Variants in PPFIA2 observed in about 807,000 individuals in gnomAD.
PPFIA2 encodes liprin-alpha-2.
Under a neutral mutation model 175.5 loss-of-function variants are expected in PPFIA2, and 46 were observed. The ratio of observed to expected loss-of-function variants is 0.26; its 90% confidence interval spans 0.21 to 0.34. The LOEUF is 0.34. PPFIA2 is among the 10% of genes least tolerant of loss of function. The pLI is 1.00. For missense variants in PPFIA2, 1,179 were observed against 1,506.1 expected (o/e 0.78, Z 3.60); for synonymous variants, 568 against 511.4 (o/e 1.11, Z -1.49).
At chr12:81,736,577 C>T (rs117482179) in intron 3 of PPFIA2, among the ~76,000 whole-genome samples, 4 of 151,708 alleles carry the variant, frequency 2.6e-5, no homozygotes, top group Non-Finnish European at 4.4e-5. Flanking sequence ...GAGGAAACGC[C>T]GGAGGAAGTA....
At chr12:81,325,960 T>A in intron 21 of PPFIA2, 90 bp from the exon 22 acceptor site, 1 of 880,260 alleles carries the variant, frequency 1.1e-6, no homozygotes, top group Middle Eastern at 2.2e-4. Flanking sequence ...GTTGAGCAAC[T>A]GTTTAGTATC....
chr12:81,422,096 A>ATG (rs1189944744), intron 7 of PPFIA2, among the ~76,000 whole-genome samples: 1 of 113,648 alleles, frequency 8.8e-6, no homozygotes, highest in East Asian at 2.5e-4. Flanking sequence ...GTGTATATAT[A>ATG]TGTGTGTATA....
intron 4 of PPFIA2, among the ~76,000 whole-genome samples, chr12:81,473,170 G>T (rs2056995889): frequency 6.6e-6 from 1 of 152,172 alleles, no homozygotes; most frequent in Non-Finnish European, 1.5e-5. Flanking sequence ...CACTCTGGGG[G>T]GCTGAGGTGC....
At chr12:81,509,998 C>T (rs981891916) in intron 4 of PPFIA2, among the ~76,000 whole-genome samples, 12 of 152,176 alleles carry the variant, frequency 7.9e-5, no homozygotes, top group African/African-American at 2.9e-4. Context: ...AACCTCACCA[C>T]TCCAACTGCT....
chr12:81,514,409 A>T (rs1438208074), intron 4 of PPFIA2, among the ~76,000 whole-genome samples: 1 of 151,978 alleles, frequency 6.6e-6, no homozygotes, highest in Non-Finnish European at 1.5e-5. Flanking sequence ...GTTGCTAAAT[A>T]ATGACAACAC....
intron 4 of PPFIA2, among the ~76,000 whole-genome samples, chr12:81,644,786 A>C (rs73147487): frequency 0.27 from 40,790 of 152,064 alleles, 7,166 homozygotes; most frequent in Non-Finnish European, 0.38. Context: ...CTCAATGATG[A>C]TACAGATTGA....
chr12:81,354,410 G>T (rs1420890171), intron 16 of PPFIA2, among the ~76,000 whole-genome samples: 18 of 151,970 alleles, frequency 1.2e-4, no homozygotes, highest in Non-Finnish European at 2.6e-4. Flanking sequence ...ATCTTCACTG[G>T]GAGTAGATTC....
intron 7 of PPFIA2, among the ~76,000 whole-genome samples, chr12:81,414,174 T>G (rs1371625894): frequency 6.6e-6 from 1 of 151,760 alleles, no homozygotes; most frequent in Non-Finnish European, 1.5e-5. Context: ...TTCAAAACAT[T>G]TTAAAAATAT....
chr12:81,397,323 TC>T (rs2041318766), intron 8 of PPFIA2, among the ~76,000 whole-genome samples: 1 of 151,982 alleles, frequency 6.6e-6, no homozygotes, highest in South Asian at 2.1e-4. Flanking sequence ...TATCATCTGT[TC>T]TTCAGAGAGC....
chr12:81,485,945 A>G (rs1458810291), intron 4 of PPFIA2, among the ~76,000 whole-genome samples: 3 of 151,908 alleles, frequency 2.0e-5, no homozygotes, highest in African/African-American at 7.2e-5. Context: ...AAATTATAAC[A>G]CAGATAATTC....
intron 4 of PPFIA2, among the ~76,000 whole-genome samples, chr12:81,644,319 C>T (rs1319129478): frequency 6.6e-6 from 1 of 151,934 alleles, no homozygotes; most frequent in Non-Finnish European, 1.5e-5. Context: ...TATCACATCG[C>T]TGGTTATATG....
chr12:81,744,690 T>G (rs766071834), intron 3 of PPFIA2, among the ~76,000 whole-genome samples: 1 of 152,228 alleles, frequency 6.6e-6, no homozygotes, highest in Admixed American at 6.5e-5. Flanking sequence ...CCTCCCAAAG[T>G]GCTGGGATTA....
Position 81,294,968 on chromosome 12 carries a change from A to T in PPFIA2, c.2792T>A (p.Met931Lys). Residue 931 changes from methionine (M) to lysine (K), a missense_variant, in exon 24 of 33, where the codon ATG (methionine) becomes AAG (lysine). This residue lies in a region of PPFIA2 where 44 missense variants were observed against 81.3 expected (regional missense o/e 0.54). Coordinates refer to ENST00000549396, the MANE Select transcript of PPFIA2 (RefSeq NM_003625.5). ...CRANVKSGAI[M>K]SALSDTEIQR... Reference sequence around the variant, plus strand: ...GATCTCAGTGTCAGATAAAGCAGACATGATGGCACCACTCTTCACGTTGGC... The same window carrying T: ...GATCTCAGTGTCAGATAAAGCAGACTTGATGGCACCACTCTTCACGTTGGC... The T allele has an allele frequency of 6.2e-7, 1 of 1,613,842 alleles. No homozygotes were observed. The highest frequency in any genetic ancestry group is 8.5e-7 in the Non-Finnish European group (1 of 1,179,814).
rs548265734 is a variant in PPFIA2 at position 81,432,580 on chromosome 12, C to T, written c.645+7392G>A. Among the ~76,000 whole-genome samples the T allele has an allele frequency of 4.0e-5, 6 of 151,814 alleles. No individual in the cohort carries two copies. The South Asian group carries it at 1.0e-3, about 26-fold the overall frequency. On this transcript the variant is annotated intron_variant, in intron 7 of 32. Coordinates refer to ENST00000549396, the MANE Select transcript of PPFIA2 (RefSeq NM_003625.5). ...TCCCGGGTTCAAGCGATTCTCCTGC[C>T]TCAGCCTCCTGAGTAGCTGGGATTA...
intron 22 of PPFIA2, among the ~76,000 whole-genome samples, chr12:81,320,107 G>T (rs2053326146): frequency 6.6e-6 from 1 of 152,010 alleles, no homozygotes; most frequent in African/African-American, 2.4e-5. Flanking sequence ...AAAGAATATT[G>T]TGGAGTTTCT....
chr12:81,640,207 T>C (rs996807138), intron 4 of PPFIA2, among the ~76,000 whole-genome samples: 9 of 152,142 alleles, frequency 5.9e-5, no homozygotes, highest in Admixed American at 5.9e-4. Context: ...CTGCATCTTA[T>C]TGTTATTCAG....
intron 4 of PPFIA2, among the ~76,000 whole-genome samples, chr12:81,566,804 A>G (rs956240619): frequency 1.3e-5 from 2 of 152,176 alleles, no homozygotes; most frequent in African/African-American, 4.8e-5. Flanking sequence ...TACAAGATAC[A>G]TGTGCAACTG....
At chr12:81,438,574 A>G (rs1288036548) in intron 7 of PPFIA2, among the ~76,000 whole-genome samples, 1 of 152,240 alleles carries the variant, frequency 6.6e-6, no homozygotes, top group Non-Finnish European at 1.5e-5. Context: ...CTGTATGCAT[A>G]ATGTATATGT....
At chr12:81,470,397 C>T (rs983323696) in intron 4 of PPFIA2, among the ~76,000 whole-genome samples, 8 of 152,062 alleles carry the variant, frequency 5.3e-5, no homozygotes, top group African/African-American at 1.9e-4. Flanking sequence ...TTCACATAAC[C>T]TAGAATGGCT....
Sources: gnomAD v4.1 joint callset for allele counts (sites outside exome capture counted in the v4.1 genomes callset) on GRCh38, gnomAD v4.1.1 for gene constraint, gnomAD v4.1.1 regional missense constraint, MANE v1.5 for transcripts, NCBI Gene and HGNC (gene_info 2026-07-23, HGNC 2026-07-21) for gene names.